The following SYT2 variants were observed in gnomAD, a reference collection of about 807,000 sequenced individuals.
The protein encoded by SYT2 is synaptotagmin-2.
In SYT2, 15 loss-of-function variants were observed where a neutral mutation model predicts 39.9. The ratio of observed to expected loss-of-function variants is 0.38; its 90% CI spans 0.25 to 0.58. SYT2 has a LOEUF of 0.58. SYT2 is among the 20% of genes least tolerant of loss of function. The pLI is 0.70. For missense variants in SYT2, 389 were observed against 530.3 expected (o/e 0.73, Z 2.62); for synonymous variants, 181 against 204.5 (o/e 0.89, Z 0.98).
At chr1:202,627,384 C>G in intron 1 of SYT2, 1 of 944,254 alleles carries the variant, frequency 1.1e-6, no homozygotes, top group Non-Finnish European at 1.3e-6. Flanking sequence ...AACTGCCCCC[C>G]AACTCTGGCA....
At chr1:202,677,664 A>C (rs1653411130) in intron 1 of SYT2, among the ~76,000 whole-genome samples, 1 of 152,342 alleles carries the variant, frequency 6.6e-6, no homozygotes, top group African/African-American at 2.4e-5. Flanking sequence ...CAAACTGTAG[A>C]TTTCTGATCA....
chr1:202,648,182 T>C (rs1280193241), intron 1 of SYT2, among the ~76,000 whole-genome samples: 4 of 152,174 alleles, frequency 2.6e-5, no homozygotes, highest in African/African-American at 7.2e-5. Context: ...GTTAGCTGTT[T>C]TGTTTGTCTG....
intron 1 of SYT2, among the ~76,000 whole-genome samples, chr1:202,637,604 G>A (rs1224800731): frequency 6.6e-6 from 1 of 152,190 alleles, no homozygotes; most frequent in Non-Finnish European, 1.5e-5. Context: ...GCTTGGAGCT[G>A]GCAGGCTCCG....
intron 1 of SYT2, among the ~76,000 whole-genome samples, chr1:202,618,402 T>G (rs1367730261): frequency 4.9e-5 from 1 of 20,594 alleles, no homozygotes; most frequent in Non-Finnish European, 3.2e-4. Flanking sequence ...CTGGTGTGAG[T>G]GTGTGTGTGT....
chr1:202,667,024 G>T (rs1692492144), intron 1 of SYT2, among the ~76,000 whole-genome samples: 1 of 152,070 alleles, frequency 6.6e-6, no homozygotes, highest in Non-Finnish European at 1.5e-5. Flanking sequence ...CCAAAAGATT[G>T]TCATTATGTT....
At chr1:202,683,434 C>T (rs1001436403) in intron 1 of SYT2, among the ~76,000 whole-genome samples, 2 of 152,144 alleles carry the variant, frequency 1.3e-5, no homozygotes, top group Admixed American at 6.5e-5. Flanking sequence ...GGGGAAGAAG[C>T]CAGTCACAAA....
chr1:202,625,023 TTG>T, intron 1 of SYT2, among the ~76,000 whole-genome samples: 1 of 2,050 alleles, frequency 4.9e-4, no homozygotes, highest in South Asian at 0.017. Flanking sequence ...ATGTAGTAGG[TTG>T]TGTGTGTGGT....
chr1:202,639,560 C>T (rs560621495), intron 1 of SYT2: 6 of 985,456 alleles, frequency 6.1e-6, no homozygotes, highest in South Asian at 9.4e-5. Flanking sequence ...CGGTGTTCCC[C>T]GCTCCTTCAG....
intron 1 of SYT2, among the ~76,000 whole-genome samples, chr1:202,647,660 C>T (rs1226182542): frequency 6.6e-6 from 1 of 152,218 alleles, no homozygotes; most frequent in African/African-American, 2.4e-5. Flanking sequence ...TTCACCTTGA[C>T]CGAGTTCCCT....
At chr1:202,620,283 G>A (rs764590996) in intron 1 of SYT2, among the ~76,000 whole-genome samples, 2 of 152,218 alleles carry the variant, frequency 1.3e-5, no homozygotes, top group African/African-American at 2.4e-5. Flanking sequence ...GGAGCAATGG[G>A]TCCAGGAGGA....
chr1:202,687,110 C>T (rs1010685402), intron 1 of SYT2, among the ~76,000 whole-genome samples: 3 of 152,090 alleles, frequency 2.0e-5, no homozygotes, highest in African/African-American at 4.8e-5. Context: ...TATATCACCA[C>T]GGCTTAGCAA....
chr1:202,653,127 T>C (rs1490990104), intron 1 of SYT2, among the ~76,000 whole-genome samples: 1 of 152,146 alleles, frequency 6.6e-6, no homozygotes, highest in East Asian at 1.9e-4. Context: ...AAAATCTCGA[T>C]TGTCACTCTC....
chr1:202,676,636 T>A (rs989787692), intron 1 of SYT2, among the ~76,000 whole-genome samples: 3 of 152,186 alleles, frequency 2.0e-5, no homozygotes, highest in Non-Finnish European at 4.4e-5. Flanking sequence ...TTGGCTTCAA[T>A]AATAGAAGGC....
At chr1:202,604,086 T>C (rs935093279) in intron 3 of SYT2, among the ~76,000 whole-genome samples, 7 of 152,224 alleles carry the variant, frequency 4.6e-5, no homozygotes, top group African/African-American at 1.7e-4. Context: ...CCCAGTTAGA[T>C]GCCTCCCATG....
At chr1:202,682,221 T>C (rs1432721412) in intron 1 of SYT2, among the ~76,000 whole-genome samples, 1 of 152,188 alleles carries the variant, frequency 6.6e-6, no homozygotes, top group African/African-American at 2.4e-5. Flanking sequence ...AGGGAGCACG[T>C]TGGCTGACTG....
Position 202,603,146 on chromosome 1 carries a change from A to T in SYT2, c.346-28T>A, listed in dbSNP as rs1313538048. The T allele has an allele frequency of 3.7e-6, 6 of 1,613,592 alleles. No individual in the cohort carries two copies. The East Asian group carries it at 1.3e-4, about 36-fold the overall frequency. On this transcript the variant is annotated intron_variant, in intron 3 of 8. Transcript: ENST00000367268. ...GTGGGAGCTGGGGGAGAGAGGGAAC[A>T]AGTTAAAAGGGGAGGACCGAGAAGT...
intron 1 of SYT2, chr1:202,636,376 C>T (rs919659235): frequency 3.7e-5 from 36 of 985,246 alleles, no homozygotes; most frequent in South Asian, 1.9e-4. Context: ...GCATGTGCTC[C>T]AGAGCAGGGA....
intron 1 of SYT2, chr1:202,627,708 C>T: frequency 1.2e-6 from 1 of 830,600 alleles, no homozygotes; most frequent in Non-Finnish European, 1.5e-6. Context: ...AAAATAACCC[C>T]TAGCATGTTT....
chr1:202,699,272 T>C (rs1654053474), intron 1 of SYT2, among the ~76,000 whole-genome samples: 4 of 152,258 alleles, frequency 2.6e-5, no homozygotes, highest in Non-Finnish European at 4.4e-5. Flanking sequence ...TCCTCCTGCA[T>C]TGGCCTCTCA....
Sources: allele counts gnomAD v4.1 joint callset (sites outside exome capture counted in the v4.1 genomes callset), GRCh38; gene constraint gnomAD v4.1.1; transcripts MANE v1.5; gene names NCBI Gene and HGNC (gene_info 2026-07-23, HGNC 2026-07-21).